The following VPS13B variants were observed in gnomAD, a reference collection of about 807,000 sequenced individuals.
VPS13B encodes vacuolar protein sorting 13 homolog B.
VPS13B carries 285 observed loss-of-function variants against 426.4 expected under a neutral mutation model. The ratio of observed to expected loss-of-function variants is 0.67; its 90% CI spans 0.61 to 0.74. The LOEUF is 0.74. Ranked by LOEUF, VPS13B falls within the 30% of genes least tolerant of loss-of-function variation. The probability of loss-of-function intolerance (pLI) is 0.00; values close to 1 mark genes in which losing one functional copy is unlikely to be tolerated. For missense variants in VPS13B, 4,537 were observed against 4,782.6 expected, an observed-to-expected ratio of 0.95 and a Z score of 1.51; for synonymous variants, 1,676 against 1,676.4, an observed-to-expected ratio of 1.00 and a Z score of 0.01.
Position 99,853,922 on chromosome 8 carries a change from A to G in VPS13B, c.10533A>G (p.Thr3511=), listed in dbSNP as rs763725361. 29 of 1,614,146 alleles carry G rather than the reference A, an allele frequency of 1.8e-5. No individual in the cohort carries two copies. Among genetic ancestry groups the G allele is most frequent in the Middle Eastern group, 1.6e-4 (1 of 6,084 alleles). The change falls in exon 56 of 62, where the codon ACA becomes ACG. Residue 3511 remains threonine (T), a synonymous_variant. Transcript: ENST00000357162. ...CTGCTCGGTTATACGTGGAAGACAC[A>G]TTTGTATACTACATCAAGACTTTGT... The part of the protein sequence containing the change: ...LKPARLYVED[T]FVYYIKTLFD...
At chr8:99,352,374 G>GT (rs1811936605) in intron 19 of VPS13B, among the ~76,000 whole-genome samples, 1 of 151,892 alleles carries the variant, frequency 6.6e-6, no homozygotes, top group Non-Finnish European at 1.5e-5. Flanking sequence ...TTCCTAGTCT[G>GT]TTTTTTTCTG....
At chr8:99,644,750 C>G (rs1035440028) in intron 34 of VPS13B, among the ~76,000 whole-genome samples, 2 of 152,088 alleles carry the variant, frequency 1.3e-5, no homozygotes, top group Admixed American at 1.3e-4. Flanking sequence ...GATAATATTT[C>G]TTAAAAATGA....
In VPS13B at chr8:99,163,136, C is replaced by T. The variant is rs567803198; in HGVS notation, c.2208+6393C>T. 1.7e-4 allele frequency among the ~76,000 whole-genome samples: 26 copies of T among 151,924 alleles called. 2 individuals are homozygous for T. The highest frequency in any genetic ancestry group is 3.1e-4 in the African/African-American group (13 of 41,408). ...AAACCTTGAGCTAGATACAGAGTGCCGATTGGTGTATTTACAATCCCTGAG... is the reference window on the plus strand; with the variant it reads ...AAACCTTGAGCTAGATACAGAGTGCTGATTGGTGTATTTACAATCCCTGAG... On this transcript the variant is annotated intron_variant, in intron 15 of 61. Coordinates refer to ENST00000357162, the MANE Select transcript of VPS13B (RefSeq NM_152564.5).
At chr8:99,771,208 G>A (rs199588690) in intron 40 of VPS13B, among the ~76,000 whole-genome samples, 2 of 152,174 alleles carry the variant, frequency 1.3e-5, no homozygotes, top group East Asian at 1.9e-4. Flanking sequence ...TGATGATAAT[G>A]TTAAACTCTT....
chr8:99,819,596 G>C lies in VPS13B; in HGVS notation c.8792+14G>C, dbSNP rs750433575. 5.0e-6 allele frequency: 8 copies of C among 1,612,272 alleles called. No individual in the cohort carries two copies. The South Asian group carries it at 8.8e-5, about 18-fold the overall frequency. ...GGATTCTGACAGGTAATATTCTTCA[G>C]TGATCTTTTTCTACAAAAATTTCTC... On this transcript the variant is annotated intron_variant, in intron 48 of 61. Transcript: ENST00000357162.
At chr8:99,614,334 A>G (rs899292662) in intron 33 of VPS13B, among the ~76,000 whole-genome samples, 2 of 151,978 alleles carry the variant, frequency 1.3e-5, no homozygotes, top group South Asian at 4.2e-4. Context: ...CTGGAGTGCA[A>G]TGGCGCAGTC....
At chr8:99,632,812 T>C (rs1828901957) in intron 33 of VPS13B, among the ~76,000 whole-genome samples, 1 of 152,030 alleles carries the variant, frequency 6.6e-6, no homozygotes, top group Non-Finnish European at 1.5e-5. Flanking sequence ...ATATGATCTA[T>C]ACAAAGTAAA....
chr8:99,033,940 C>T (rs565906219), intron 2 of VPS13B, among the ~76,000 whole-genome samples: 1 of 152,210 alleles, frequency 6.6e-6, no homozygotes, highest in South Asian at 2.1e-4. Context: ...TTTCTTTGAA[C>T]ATATTTGGAA....
At chr8:99,470,652 A>G (rs1819351669) in intron 24 of VPS13B, among the ~76,000 whole-genome samples, 1 of 152,084 alleles carries the variant, frequency 6.6e-6, no homozygotes, top group East Asian at 1.9e-4. Context: ...CAATGATTGT[A>G]GAATAGAAAA....
intron 13 of VPS13B, among the ~76,000 whole-genome samples, chr8:99,144,957 G>T (rs1382199144): frequency 2.0e-5 from 3 of 152,202 alleles, no homozygotes; most frequent in Non-Finnish European, 4.4e-5. Flanking sequence ...GTTTATATGT[G>T]AGCTAACTTG....
chr8:99,312,798 A>T (rs960302868), intron 19 of VPS13B, among the ~76,000 whole-genome samples: 1 of 152,164 alleles, frequency 6.6e-6, no homozygotes, highest in African/African-American at 2.4e-5. Flanking sequence ...GTCACTTTCA[A>T]GTACACCAAT....
chr8:99,171,305 A>G (rs969191738), intron 16 of VPS13B, among the ~76,000 whole-genome samples: 3 of 152,002 alleles, frequency 2.0e-5, no homozygotes, highest in Middle Eastern at 3.2e-3. Context: ...ATTCTGATCT[A>G]TTAAGAAATA....
intron 25 of VPS13B, among the ~76,000 whole-genome samples, chr8:99,497,216 T>TACATGTATTTATATATTTAATATATAA (rs1820964000): frequency 7.0e-6 from 1 of 142,282 alleles, no homozygotes; most frequent in African/African-American, 2.6e-5. Context: ...TTAATATATA[T>TACATGTATTTATATATTTAATATATAA]AAATACATGT....
chr8:99,818,411 G>A (rs1259076328), intron 45 of VPS13B, 40 bp from the exon 46 acceptor site: 1 of 1,560,440 alleles, frequency 6.4e-7, no homozygotes, highest in Non-Finnish European at 8.8e-7. Flanking sequence ...TTAGTAAACT[G>A]CTTAGTATTC....
At chr8:99,080,565 T>A (rs983744904) in intron 3 of VPS13B, among the ~76,000 whole-genome samples, 1 of 152,196 alleles carries the variant, frequency 6.6e-6, no homozygotes, top group African/African-American at 2.4e-5. Flanking sequence ...GTTTCTGGGC[T>A]CTCCTCTGTT....
chr8:99,755,031 G>C (rs1385742921), intron 39 of VPS13B, among the ~76,000 whole-genome samples: 1 of 152,056 alleles, frequency 6.6e-6, no homozygotes, highest in African/African-American at 2.4e-5. Flanking sequence ...AGGAAAAACG[G>C]GAATGAGATG....
At chr8:99,579,414 T>G (rs1563806966) in intron 33 of VPS13B, among the ~76,000 whole-genome samples, 1 of 152,200 alleles carries the variant, frequency 6.6e-6, no homozygotes, top group Non-Finnish European at 1.5e-5. Flanking sequence ...TTCTTTTTTT[T>G]TGAGATGGAG....
intron 30 of VPS13B, among the ~76,000 whole-genome samples, chr8:99,543,972 C>A (rs1458120606): frequency 7.0e-6 from 1 of 143,294 alleles, no homozygotes; most frequent in African/African-American, 2.6e-5. Flanking sequence ...GGTATATACC[C>A]AAAGGACTAT....
chr8:99,318,901 T>G (rs576742913), intron 19 of VPS13B, among the ~76,000 whole-genome samples: 1 of 152,326 alleles, frequency 6.6e-6, no homozygotes, highest in African/African-American at 2.4e-5. Context: ...GAAAGTCTAG[T>G]TATTGTTAAA....
Sources: gnomAD v4.1 joint callset for allele counts (sites outside exome capture counted in the v4.1 genomes callset) on GRCh38, gnomAD v4.1.1 for gene constraint, MANE v1.5 for transcripts, NCBI Gene and HGNC (gene_info 2026-07-23, HGNC 2026-07-21) for gene names.